Variants in LAMA2 observed in about 807,000 individuals in gnomAD.
LAMA2 encodes the protein laminin subunit alpha 2, also known as laminin subunit alpha-2.
Under a neutral mutation model 364.8 loss-of-function variants are expected in LAMA2, and 269 were observed. The observed-to-expected ratio is 0.74, with a 90% CI of 0.67 to 0.82. The LOEUF (loss-of-function observed/expected upper bound fraction) is 0.82, where lower values mean the gene tolerates loss of function less well. Among genes scored for constraint, LAMA2 ranks in the 40% least tolerant of loss-of-function variants. The pLI is 0.00. For synonymous variants in LAMA2, 1,379 were observed against 1,370.6 expected (o/e 1.01, Z -0.14); for missense variants, 3,807 against 3,873.2 (o/e 0.98, Z 0.45).
intron 29 of LAMA2, among the ~76,000 whole-genome samples, chr6:129,339,414 TA>T (rs1280015262): frequency 6.6e-6 from 1 of 152,170 alleles, no homozygotes; most frequent in Non-Finnish European, 1.5e-5. Context: ...ATTTCAAATT[TA>T]AGACGCTTCT....
chr6:129,429,720 T>C (rs781462721), intron 41 of LAMA2, among the ~76,000 whole-genome samples: 3 of 152,166 alleles, frequency 2.0e-5, no homozygotes, highest in African/African-American at 7.2e-5. Flanking sequence ...TCCTATCTCA[T>C]ACCCTTGCCC....
Position 129,287,853 on chromosome 6 carries a change from A to C in LAMA2, c.2544A>C (p.Ala848=). 2 of 1,613,876 alleles carry C rather than the reference A, an allele frequency of 1.2e-6. No individual in the cohort carries two copies. The highest frequency in any genetic ancestry group is 1.3e-5 in the African/African-American group (1 of 75,014). The change falls in exon 19 of 65, where the codon GCA becomes GCC. Residue 848 remains alanine, a synonymous_variant. Coordinates refer to ENST00000421865, the MANE Select transcript of LAMA2 (RefSeq NM_000426.4). The part of the protein sequence containing the change: ...GYTGPRCERC[A]EGYFGQPSVP... ...ATGAAATTTCTTGCCTTAGGTGTGC[A>C]GAAGGCTATTTTGGACAACCCTCTG... is the stretch of plus-strand genomic sequence containing the variant.
At chr6:129,133,826 T>C (rs529833233) in intron 4 of LAMA2, among the ~76,000 whole-genome samples, 65 of 152,186 alleles carry the variant, frequency 4.3e-4, no homozygotes, top group African/African-American at 1.5e-3. Flanking sequence ...CAGCTTTTCA[T>C]TTGTGTACTC....
At chr6:129,011,681 T>C (rs1366506530) in intron 1 of LAMA2, among the ~76,000 whole-genome samples, 3 of 152,210 alleles carry the variant, frequency 2.0e-5, no homozygotes, top group African/African-American at 7.2e-5. Flanking sequence ...AATATCCCAT[T>C]CTGAGAGCAC....
chr6:129,062,620 A>G (rs1231395559), intron 3 of LAMA2, among the ~76,000 whole-genome samples: 1 of 152,072 alleles, frequency 6.6e-6, no homozygotes, highest in Non-Finnish European at 1.5e-5. Flanking sequence ...TTTTCTACCT[A>G]CCGCATGAAG....
intron 62 of LAMA2, 44 bp downstream of exon 62, chr6:129,507,686 C>T (rs370603787): frequency 6.9e-4 from 1,086 of 1,575,010 alleles, no homozygotes; most frequent in Non-Finnish European, 8.9e-4. Context: ...TAACTAGATA[C>T]AAATACTAAC....
chr6:129,098,518 A>G (rs1775322101), intron 4 of LAMA2, 103 bp downstream of exon 4: 3 of 1,390,958 alleles, frequency 2.2e-6, no homozygotes, highest in Non-Finnish European at 3.0e-6. Flanking sequence ...AGATTTTAAA[A>G]TAGGATTTAG....
intron 9 of LAMA2, among the ~76,000 whole-genome samples, chr6:129,175,138 A>G (rs1176870320): frequency 6.6e-6 from 1 of 152,204 alleles, no homozygotes; most frequent in African/African-American, 2.4e-5. Flanking sequence ...ATCAAACAAT[A>G]TTTATTTTAC....
intron 10 of LAMA2, among the ~76,000 whole-genome samples, chr6:129,185,891 G>C (rs1017872893): frequency 1.3e-5 from 2 of 151,714 alleles, no homozygotes; most frequent in African/African-American, 4.8e-5. Flanking sequence ...AGAATATTTG[G>C]TTTTAAGAAA....
intron 3 of LAMA2, among the ~76,000 whole-genome samples, chr6:129,076,694 T>C (rs1267392703): frequency 6.6e-6 from 1 of 151,594 alleles, no homozygotes; most frequent in Non-Finnish European, 1.5e-5. Context: ...GGAAAAAAGA[T>C]AGCGGTAGCA....
At chr6:129,195,067 G>A (rs1347788967) in intron 12 of LAMA2, among the ~76,000 whole-genome samples, 1 of 152,176 alleles carries the variant, frequency 6.6e-6, no homozygotes, top group East Asian at 1.9e-4. Flanking sequence ...CCATGACCAG[G>A]AGTCTATGGT....
intron 8 of LAMA2, among the ~76,000 whole-genome samples, chr6:129,160,735 C>G (rs960273701): frequency 4.6e-5 from 7 of 151,768 alleles, no homozygotes; most frequent in African/African-American, 7.2e-5. Context: ...TTAGCTGTTT[C>G]TCATGAATTC....
In LAMA2 at chr6:129,453,140, AAT is replaced by A. The variant is rs1782772427; in HGVS notation, c.6573+12_6573+13del. The A allele has an allele frequency of 6.2e-7, 1 of 1,610,608 alleles. No individual in the cohort carries two copies. Among genetic ancestry groups the A allele is most frequent in the African/African-American group, 1.3e-5 (1 of 74,952 alleles). ...TTGGAAGTGCCAAATTTGTAAGTCT[AAT>A]ATTCAACTTTTCATTAGGCTGCTGT... On this transcript the variant is annotated intron_variant, in intron 46 of 64. Coordinates refer to ENST00000421865, the MANE Select transcript of LAMA2 (RefSeq NM_000426.4).
At position 129,059,793 on chromosome 6, in the gene LAMA2, C is replaced by T. The variant is rs768766369; in HGVS notation, c.293C>T (p.Pro98Leu). ...GCTGCTAACTCAATAGAGAGACACC[C>T]GATTACAAATGCTATTGATGGAAAG... Reference protein sequence around the residue: ...QNSSNPNQRHPITNAIDGKNT... With the variant: ...QNSSNPNQRHLITNAIDGKNT... The change falls in exon 3 of 65, where the codon CCG becomes CTG. Residue 98 changes from proline (P) to leucine (L), a missense_variant. By Grantham distance (98) the Pro-to-Leu change is moderately conservative. Around this residue, in one of 3 missense-constraint regions of LAMA2, gnomAD observed 394 missense variants for 403.5 expected, o/e 0.98. Transcript: ENST00000421865. 5.6e-6 allele frequency: 9 copies of T among 1,595,674 alleles called. No homozygotes were observed. Among genetic ancestry groups the T allele is most frequent in the African/African-American group, 4.0e-5 (3 of 74,512 alleles).
intron 4 of LAMA2, among the ~76,000 whole-genome samples, chr6:129,130,479 T>TC (rs747306237): frequency 6.6e-6 from 1 of 152,236 alleles, no homozygotes; most frequent in Non-Finnish European, 1.5e-5. Context: ...GAATGGCATC[T>TC]CCTCTTAATG....
intron 12 of LAMA2, among the ~76,000 whole-genome samples, chr6:129,222,692 A>G (rs1303505740): frequency 1.3e-5 from 2 of 152,082 alleles, no homozygotes; most frequent in African/African-American, 4.8e-5. Flanking sequence ...TTATGGCTGC[A>G]TAGTATTCCA....
chr6:129,320,656 G>A lies in LAMA2; in HGVS notation c.4176+1G>A, dbSNP rs1404492484. The stretch of plus-strand genomic sequence containing the variant: ...GGGCTATTCTGGCCTGTCCTGTGAG[G>A]TAAGCTACCTCCTACTAACCTGCTT... On this transcript the variant is annotated splice_donor_variant, in intron 28 of 64. Transcript: ENST00000421865. LOFTEE classifies it high-confidence loss of function. 3.2e-6 allele frequency: 5 copies of A among 1,544,376 alleles called. No individual in the cohort carries two copies. In the African/African-American group the frequency reaches 5.4e-5, roughly 17 times the overall value.
At chr6:129,090,767 C>A (rs2114858401) in intron 3 of LAMA2, among the ~76,000 whole-genome samples, 1 of 152,246 alleles carries the variant, frequency 6.6e-6, no homozygotes, top group South Asian at 2.1e-4. Context: ...GTGCTATGTG[C>A]TTCCATCACA....
At chr6:129,055,182 A>ATTATTTATTG (rs1554207614) in intron 2 of LAMA2, among the ~76,000 whole-genome samples, 1 of 142,472 alleles carries the variant, frequency 7.0e-6, no homozygotes, top group South Asian at 2.2e-4. Flanking sequence ...ATTATTTATT[A>ATTATTTATTG]TTATTATTAT....
Sources: allele counts gnomAD v4.1 joint callset (sites outside exome capture counted in the v4.1 genomes callset), GRCh38; gene constraint gnomAD v4.1.1; regional missense constraint gnomAD v4.1.1; transcripts MANE v1.5; gene names NCBI Gene and HGNC (gene_info 2026-07-23, HGNC 2026-07-21).